The following EFCAB8 variants were observed in gnomAD, a reference collection of about 807,000 sequenced individuals.
The protein encoded by EFCAB8 is EF-hand calcium binding domain 8, also known as EF-hand calcium-binding domain-containing protein 8.
Under a neutral mutation model 116.3 loss-of-function variants are expected in EFCAB8, and 100 were observed. The observed-to-expected ratio is 0.86, with a 90% CI of 0.73 to 1.02. EFCAB8 has a LOEUF of 1.02. Among genes scored for constraint, EFCAB8 ranks in the 50% least tolerant of loss-of-function variants. The probability of loss-of-function intolerance (pLI) is 0.00; values close to 1 mark genes in which losing one functional copy is unlikely to be tolerated. For missense variants in EFCAB8, 1,320 were observed against 1,416.9 expected (o/e 0.93, Z 1.10); for synonymous variants, 558 against 567.9 (o/e 0.98, Z 0.25).
At chr20:32,957,049 A>G (rs1988988904) in intron 23 of EFCAB8, among the ~76,000 whole-genome samples, 1 of 147,982 alleles carries the variant, frequency 6.8e-6, no homozygotes, top group South Asian at 2.1e-4. Context: ...GCAGCTTGCT[A>G]TTAAATCTAT....
intron 10 of EFCAB8, among the ~76,000 whole-genome samples, chr20:32,897,056 A>G (rs1600396863): frequency 1.3e-5 from 2 of 152,232 alleles, no homozygotes; most frequent in East Asian, 3.9e-4. Flanking sequence ...GAATGGGCTC[A>G]GCCCCTTCCC....
At chr20:32,881,126 G>A (rs114827421) in intron 5 of EFCAB8, among the ~76,000 whole-genome samples, 1,949 of 152,306 alleles carry the variant, frequency 0.013, 50 homozygotes, top group African/African-American at 0.044. Context: ...TCCAAAAGCC[G>A]GAGTTGGCTT....
chr20:32,961,365 C>T lies in EFCAB8; in HGVS notation c.3623C>T (p.Ser1208Leu), dbSNP rs568559824. The T allele has an allele frequency of 8.9e-6, 13 of 1,467,336 alleles. No homozygotes were observed. The highest frequency in any genetic ancestry group is 5.4e-5 in the Admixed American group (2 of 36,932). The allele number at this position is 1,467,336 out of a possible 1,614,324, so 90.9% of individuals were successfully genotyped here. ...TCTTCCTTGTTATCTGTCACTGCCT[C>T]AGCCTCCAGGCTGCTGGACTCCAGC... is the stretch of plus-strand genomic sequence containing the variant. Reference protein sequence around the residue: ...SPSSLLSVTASASRLLDSSLP... With the variant: ...SPSSLLSVTALASRLLDSSLP... Residue 1208 changes from serine to leucine, a missense_variant, in exon 27 of 27, where the codon TCA becomes TTA. By Grantham distance (145) the Ser-to-Leu change is moderately radical (BLOSUM62 -2). Coordinates refer to ENST00000400522, the MANE Select transcript of EFCAB8 (RefSeq NM_001143967.2).
chr20:32,902,367 A>G (rs1474251640), intron 11 of EFCAB8, among the ~76,000 whole-genome samples: 1 of 152,134 alleles, frequency 6.6e-6, no homozygotes, highest in African/African-American at 2.4e-5. Flanking sequence ...GGTAGAGAAT[A>G]TATTTACACA....
chr20:32,906,904 G>A lies in EFCAB8; in HGVS notation c.1218G>A (p.Val406=). ...LWNPFVSKRP[V]WLMKGHQTSV... is the part of the protein sequence containing the mutation. Reference sequence around the variant, plus strand: ...ACCCCTTTGTCTCAAAGAGGCCCGTGTGGCTGATGAAGGGACACCAGACCT... The same window carrying A: ...ACCCCTTTGTCTCAAAGAGGCCCGTATGGCTGATGAAGGGACACCAGACCT... The change falls in exon 13 of 27, where the codon GTG becomes GTA. Residue 406 remains valine (V), a synonymous_variant. Coordinates refer to ENST00000400522, the MANE Select transcript of EFCAB8 (RefSeq NM_001143967.2). 1 of 1,551,430 alleles carries A rather than the reference G, an allele frequency of 6.4e-7. No individual in the cohort carries two copies. Among genetic ancestry groups the A allele is most frequent in the Non-Finnish European group, 8.7e-7 (1 of 1,146,808 alleles).
In EFCAB8 at chr20:32,948,566, AAGAAAG is replaced by A. The variant is rs1555871340; in HGVS notation, c.2959+4764_2959+4769del. 2.7e-4 allele frequency among the ~76,000 whole-genome samples: 41 copies of A among 150,306 alleles called. No homozygotes were observed. The South Asian group carries it at 5.0e-3, about 18-fold the overall frequency. On this transcript the variant is annotated intron_variant, in intron 23 of 26. Coordinates refer to ENST00000400522, the MANE Select transcript of EFCAB8 (RefSeq NM_001143967.2). ...AAAGAAAGAAAGAAAGAAAGAAAGAAAGAAAGAAAGAAAGAAAAGAAAGGAAAAGAA... is the reference window on the plus strand; with the variant it reads ...AAAGAAAGAAAGAAAGAAAGAAAGAAAAAGAAAGAAAAGAAAGGAAAAGAA...
intron 1 of EFCAB8, among the ~76,000 whole-genome samples, chr20:32,862,672 G>C (rs1324308660): frequency 6.6e-6 from 1 of 152,094 alleles, no homozygotes; most frequent in African/African-American, 2.4e-5. Context: ...TTGTTGCCCA[G>C]GCTAGAGTAC....
intron 5 of EFCAB8, among the ~76,000 whole-genome samples, chr20:32,881,803 A>G (rs935473678): frequency 5.9e-5 from 9 of 152,164 alleles, no homozygotes; most frequent in African/African-American, 2.2e-4. Context: ...ATATAGCTGT[A>G]TTTATTTTTA....
intron 23 of EFCAB8, among the ~76,000 whole-genome samples, chr20:32,955,351 G>C (rs976369385): frequency 2.0e-5 from 3 of 152,052 alleles, no homozygotes; most frequent in African/African-American, 7.2e-5. Context: ...GCCAGCATGG[G>C]CAACAATGTG....
At chr20:32,889,276 TCTC>T (rs1226910214) in intron 6 of EFCAB8, 22 bp from the exon 7 acceptor site, 1 of 1,549,122 alleles carries the variant, frequency 6.5e-7, no homozygotes, top group Non-Finnish European at 8.7e-7. Context: ...TCCCAGCCCA[TCTC>T]CTCTGCTCTT....
intron 23 of EFCAB8, among the ~76,000 whole-genome samples, chr20:32,949,652 GAC>G (rs1355541927): frequency 6.6e-6 from 1 of 152,126 alleles, no homozygotes; most frequent in East Asian, 1.9e-4. Flanking sequence ...GTGGAGAAAA[GAC>G]AGTCTTAAAG....
chr20:32,873,061 C>T (rs1029901152), intron 3 of EFCAB8, among the ~76,000 whole-genome samples: 3 of 152,054 alleles, frequency 2.0e-5, no homozygotes, highest in African/African-American at 7.3e-5. Context: ...CCATTGCACT[C>T]CAGCCTGGGC....
At chr20:32,869,487 T>C (rs4243972) in intron 3 of EFCAB8, among the ~76,000 whole-genome samples, 97,944 of 152,052 alleles carry the variant, frequency 0.64, 32,081 homozygotes, top group Middle Eastern at 0.76. Flanking sequence ...CCGCCTGCCT[T>C]AGCCTCCCAA....
rs1176396401 is a variant in EFCAB8 at position 32,906,883 on chromosome 20, C to T, written c.1197C>T (p.Pro399=). Residue 399 remains proline, a synonymous_variant, in exon 13 of 27, where the codon CCC becomes CCT. Transcript: ENST00000400522. ...ATGCCTTCATCCGCCTGTGGAACCC[C>T]TTTGTCTCAAAGAGGCCCGTGTGGC... is the stretch of plus-strand genomic sequence containing the variant. ...GYDAFIRLWN[P]FVSKRPVWLM... 3.2e-6 allele frequency: 5 copies of T among 1,550,020 alleles called. No homozygotes were observed. The highest frequency in any genetic ancestry group is 4.4e-6 in the Non-Finnish European group (5 of 1,145,464).
Position 32,867,677 on chromosome 20 carries a change from C to G in EFCAB8, c.138C>G (p.Ser46=). ...AGGTGCCTGACCTCCAGCCTGGGTC[C>G]CAGCTGTTTACTGAGATACACCTGG... The part of the protein sequence containing the change: ...LSQVPDLQPG[S]QLFTEIHLAK... The change falls in exon 3 of 27, where the codon TCC becomes TCG. Residue 46 remains serine (S), a synonymous_variant. Transcript: ENST00000400522. 6.4e-7 allele frequency: 1 copy of G among 1,551,640 alleles called. No homozygotes were observed. The highest frequency in any genetic ancestry group is 8.7e-7 in the Non-Finnish European group (1 of 1,147,008).
chr20:32,868,584 A>T (rs1984538980), intron 3 of EFCAB8, among the ~76,000 whole-genome samples: 1 of 152,206 alleles, frequency 6.6e-6, no homozygotes, highest in South Asian at 2.1e-4. Context: ...CCACAGTCTT[A>T]GTGGCTTAAA....
At chr20:32,915,759 C>T (rs143935165) in intron 17 of EFCAB8, among the ~76,000 whole-genome samples, 97 of 151,564 alleles carry the variant, frequency 6.4e-4, no homozygotes, top group African/African-American at 1.9e-3. Flanking sequence ...GCAGCCTCCG[C>T]GTCCCGGGTT....
At chr20:32,874,464 TCCTCATA>T (rs1233575003) in intron 3 of EFCAB8, among the ~76,000 whole-genome samples, 1 of 152,200 alleles carries the variant, frequency 6.6e-6, no homozygotes, top group Admixed American at 6.5e-5. Context: ...TCTCAAGTGA[TCCTCATA>T]CCTCAGCCTC....
intron 20 of EFCAB8, among the ~76,000 whole-genome samples, chr20:32,925,399 A>G (rs1022282154): frequency 1.3e-5 from 2 of 151,836 alleles, no homozygotes; most frequent in Non-Finnish European, 2.9e-5. Context: ...TTGTGTTTTT[A>G]ATGGAGACAG....
Sources: allele counts gnomAD v4.1 joint callset (sites outside exome capture counted in the v4.1 genomes callset), GRCh38; gene constraint gnomAD v4.1.1; transcripts MANE v1.5; gene names NCBI Gene and HGNC (gene_info 2026-07-23, HGNC 2026-07-21).